The following EYS variants were observed in gnomAD, a reference collection of about 807,000 sequenced individuals.
EYS encodes protein eyes shut homolog.
A neutral mutation model predicts 282.1 loss-of-function variants in EYS; 250 were observed. The observed-to-expected ratio is 0.89, with a 90% confidence interval of 0.80 to 0.98. The LOEUF is 0.98. Among genes scored for constraint, EYS ranks in the 50% least tolerant of loss-of-function variants. The pLI is 0.00. For missense variants in EYS, 4,016 were observed against 3,709.0 expected, an observed-to-expected ratio of 1.08 and a Z score of -2.15; for synonymous variants, 1,355 against 1,282.9, an observed-to-expected ratio of 1.06 and a Z score of -1.20.
intron 19 of EYS, among the ~76,000 whole-genome samples, chr6:64,828,971 T>A (rs536939908): frequency 4.6e-4 from 70 of 152,096 alleles, no homozygotes; most frequent in African/African-American, 1.6e-3. Context: ...AAAAGGGACA[T>A]CCTTCGGATG....
intron 29 of EYS, among the ~76,000 whole-genome samples, chr6:64,339,076 C>G (rs890908215): frequency 4.0e-5 from 6 of 151,886 alleles, no homozygotes; most frequent in African/African-American, 1.2e-4. Context: ...TTGGCTTAGG[C>G]AAGAATTTCA....
rs534966759 is a variant in EYS at position 65,121,627 on chromosome 6, A to G, written c.2024-63900T>C. ...GATTAGAGAACATGTATAATGGAGAATGATCAGCTCTGGAGCATGTTTACT... is the reference window on the plus strand; with the variant it reads ...GATTAGAGAACATGTATAATGGAGAGTGATCAGCTCTGGAGCATGTTTACT... On this transcript the variant is annotated intron_variant, in intron 12 of 42. Transcript: ENST00000503581. 4.6e-5 allele frequency among the ~76,000 whole-genome samples: 7 copies of G among 152,296 alleles called. No individual in the cohort carries two copies. In the South Asian group the frequency reaches 1.2e-3, roughly 27 times the overall value.
chr6:63,833,338 C>T (rs1296511843), intron 36 of EYS, among the ~76,000 whole-genome samples: 2 of 152,198 alleles, frequency 1.3e-5, no homozygotes, highest in East Asian at 3.8e-4. Context: ...AGCCCCAAAT[C>T]TCCTTAAGCT....
chr6:64,894,433 C>A (rs4512199), intron 18 of EYS, among the ~76,000 whole-genome samples: 108,908 of 151,960 alleles, frequency 0.72, 39,333 homozygotes, highest in South Asian at 0.76. Flanking sequence ...TAACTGATGA[C>A]GGGGTTTTAG....
intron 24 of EYS, among the ~76,000 whole-genome samples, chr6:64,600,029 G>T (rs764904650): frequency 6.6e-6 from 1 of 152,008 alleles, no homozygotes; most frequent in Non-Finnish European, 1.5e-5. Context: ...TCACTCTATT[G>T]ACAGTAACAT....
intron 22 of EYS, among the ~76,000 whole-genome samples, chr6:64,711,334 C>T (rs1771205347): frequency 6.6e-6 from 1 of 151,980 alleles, no homozygotes; most frequent in South Asian, 2.1e-4. Flanking sequence ...TTTTAAACTC[C>T]CTGTTTTATA....
At chr6:65,297,665 T>A (rs1768702791) in intron 11 of EYS, among the ~76,000 whole-genome samples, 1 of 152,002 alleles carries the variant, frequency 6.6e-6, no homozygotes, top group Non-Finnish European at 1.5e-5. Flanking sequence ...AGAAGAGTAT[T>A]GAATGCATTT....
intron 30 of EYS, among the ~76,000 whole-genome samples, chr6:64,296,042 G>A (rs1011265370): frequency 6.6e-6 from 1 of 152,106 alleles, no homozygotes; most frequent in Non-Finnish European, 1.5e-5. Context: ...TGCAGATAGA[G>A]CAATGAATGT....
intron 35 of EYS, among the ~76,000 whole-genome samples, chr6:63,891,271 G>A (rs1773399407): frequency 6.6e-6 from 1 of 152,154 alleles, no homozygotes; most frequent in Admixed American, 6.5e-5. Context: ...AAGCCTGGCA[G>A]AGACACAGCA....
rs898231062 is a variant in EYS, at chr6:64,997,555, G to C, written c.2259+27C>G. The C allele has an allele frequency of 1.2e-5, 18 of 1,546,554 alleles. No homozygotes were observed. In the African/African-American group the frequency reaches 2.3e-4, roughly 20 times the overall value. On this transcript the variant is annotated intron_variant, in intron 14 of 42. Transcript: ENST00000503581. Reference sequence around the variant, plus strand: ...TTAAATTATATTAGTCCACATTTAGGTATATAAAAAGCCAGTGGATACTAA... The same window carrying C: ...TTAAATTATATTAGTCCACATTTAGCTATATAAAAAGCCAGTGGATACTAA...
intron 30 of EYS, among the ~76,000 whole-genome samples, chr6:64,246,528 G>A (rs1368604333): frequency 6.6e-6 from 1 of 152,128 alleles, no homozygotes; most frequent in Non-Finnish European, 1.5e-5. Flanking sequence ...GCTTAGACAT[G>A]TGTGTACAGT....
rs551056563 is a variant in EYS at position 63,978,098 on chromosome 6, C to A, written c.7055+6285G>T. 2.0e-5 allele frequency among the ~76,000 whole-genome samples: 3 copies of A among 151,914 alleles called. No homozygotes were observed. In the South Asian group the frequency reaches 6.2e-4, roughly 31 times the overall value. On this transcript the variant is annotated intron_variant, in intron 35 of 42. Transcript: ENST00000503581. ...GTGGAGACCAACAGAGTATGTACAC[C>A]ATCAATGACAGAAGAAAACATTCTT...
At chr6:64,621,623 G>A (rs942255586) in intron 23 of EYS, among the ~76,000 whole-genome samples, 1 of 152,040 alleles carries the variant, frequency 6.6e-6, no homozygotes, top group Non-Finnish European at 1.5e-5. Flanking sequence ...CCTCATCATC[G>A]ACAATAATTG....
chr6:64,733,098 C>T (rs1370584249), intron 22 of EYS: 2 of 152,192 alleles, frequency 1.3e-5, no homozygotes, highest in East Asian at 1.9e-4. Context: ...TGCACACATT[C>T]CTGAGCCCTG....
intron 19 of EYS, among the ~76,000 whole-genome samples, chr6:64,841,094 A>G (rs1019096990): frequency 6.6e-6 from 1 of 152,146 alleles, no homozygotes; most frequent in African/African-American, 2.4e-5. Context: ...AGCCAAAGAT[A>G]CATGTTTTAT....
chr6:65,598,027 G>A (rs1765469426), intron 2 of EYS, among the ~76,000 whole-genome samples: 1 of 151,978 alleles, frequency 6.6e-6, no homozygotes, highest in Non-Finnish European at 1.5e-5. Flanking sequence ...TTGAGCCTGG[G>A]AAGTCAAGGC....
At chr6:65,086,895 C>T (rs1774394690) in intron 12 of EYS, among the ~76,000 whole-genome samples, 1 of 151,896 alleles carries the variant, frequency 6.6e-6, no homozygotes, top group African/African-American at 2.4e-5. Flanking sequence ...ACGAACTCGG[C>T]TCACTGCACC....
intron 2 of EYS, among the ~76,000 whole-genome samples, chr6:65,532,357 A>T (rs1767804308): frequency 1.3e-5 from 2 of 152,126 alleles, no homozygotes; most frequent in Admixed American, 1.3e-4. Flanking sequence ...CTTTGATCCA[A>T]AATTGTTTGA....
At chr6:65,412,786 T>G (rs1767071492) in intron 5 of EYS, among the ~76,000 whole-genome samples, 1 of 152,178 alleles carries the variant, frequency 6.6e-6, no homozygotes, top group Non-Finnish European at 1.5e-5. Flanking sequence ...TTTAATCTTC[T>G]TAACATGGTA....
Sources: gnomAD v4.1 joint callset for allele counts (sites outside exome capture counted in the v4.1 genomes callset) on GRCh38, gnomAD v4.1.1 for gene constraint, MANE v1.5 for transcripts, NCBI Gene and HGNC (gene_info 2026-07-23, HGNC 2026-07-21) for gene names.